VSIG10L: variants seen among roughly 807,000 people sequenced by gnomAD.
VSIG10L encodes the protein V-set and immunoglobulin domain-containing protein 10-like.
In VSIG10L, 63 loss-of-function variants were observed where a neutral mutation model predicts 67.3. The observed-to-expected ratio is 0.94, with a 90% CI of 0.76 to 1.15. VSIG10L has a LOEUF of 1.15. Among genes scored for constraint, VSIG10L ranks in the 50% most tolerant of loss-of-function variants. The pLI is 0.00. For missense variants in VSIG10L, 1,050 were observed against 1,177.5 expected (o/e 0.89, Z 1.58); for synonymous variants, 499 against 524.9 (o/e 0.95, Z 0.67).
Position 51,340,204 on chromosome 19 carries a change from C to T in VSIG10L, c.1285G>A (p.Ala429Thr). The T allele has an allele frequency of 6.8e-7, 1 of 1,468,040 alleles. No individual in the cohort carries two copies. Among genetic ancestry groups the T allele is most frequent in the East Asian group, 2.9e-5 (1 of 34,112 alleles). 90.9% of individuals were successfully genotyped at this position (1,468,040 alleles called of 1,614,324 possible). A position where few individuals can be genotyped will look rare whatever the true frequency, so the allele number is the denominator to read the frequency against. The change falls in exon 4 of 10, where the codon GCC becomes ACC. Residue 429 changes from alanine to threonine, a missense_variant. Physicochemically the swap from Ala to Thr is moderately conservative, Grantham distance 58. Coordinates refer to ENST00000335624, the MANE Select transcript of VSIG10L (RefSeq NM_001163922.3). This position sits in a 1 kb window ranked among gnomAD's most constrained non-coding sequence, Gnocchi z 6.3. ...TCGGCGGGCGGCCGCGAGGCGGCGG[C>T]GCAGCGCAAGGTCACGTTACTGCCC... ...TAGSNVTLRC[A>T]AASRPPADIT...
At position 51,333,885 on chromosome 19, in the gene VSIG10L, T is replaced by C. The variant is rs1336701859; in HGVS notation, c.2480A>G (p.Glu827Gly). 6.4e-6 allele frequency: 10 copies of C among 1,551,716 alleles called. No individual in the cohort carries two copies. Among genetic ancestry groups the C allele is most frequent in the Non-Finnish European group, 8.7e-6 (10 of 1,146,982 alleles). ...STLVPVVTPS[E>G]KKMHSVTPVE... ...TGGGGTCACACTATGCATCTTCTTT[T>C]CTGAGGGGGTGACCACGGGGACCAA... Residue 827 changes from glutamate to glycine, a missense_variant, in exon 9 of 10, where the codon GAA becomes GGA. Coordinates refer to ENST00000335624, the MANE Select transcript of VSIG10L (RefSeq NM_001163922.3).
In VSIG10L at chr19:51,337,429, C is replaced by T. The variant is rs1355730055; in HGVS notation, c.2114G>A (p.Trp705Ter). The T allele has an allele frequency of 1.9e-6, 3 of 1,551,608 alleles. No individual in the cohort carries two copies. The highest frequency in any genetic ancestry group is 1.7e-6 in the Non-Finnish European group (2 of 1,147,004). Residue 705 changes from tryptophan (W) to a stop codon, truncating the protein, a stop_gained, in exon 7 of 10, where the codon TGG becomes TAG. Coordinates refer to ENST00000335624, the MANE Select transcript of VSIG10L (RefSeq NM_001163922.3). LOFTEE classifies it high-confidence loss of function. ...CCTGCCCAGAGCAGGCCCATCTGGC[C>T]ATGCCTGGATCTCAAAACTGCTGAT... The part of the protein sequence containing the change: ...ALISSFEIQA[W>*]PDGPALGRTS...
rs1460128978 is a variant in VSIG10L, at chr19:51,340,486, C to T, written c.1136G>A (p.Arg379His). Residue 379 changes from arginine (R) to histidine (H), a missense_variant, in exon 3 of 10, where the codon CGC (arginine) becomes CAC (histidine). By Grantham distance (29) the Arg-to-His change is conservative. Transcript: ENST00000335624. The surrounding 1 kb of genome is among the most constrained non-coding windows in gnomAD (Gnocchi z 6.3). ...CCTGTGGCCGAAGGGGCTGCGGACG[C>T]GGCAAGTGTACCGGGCGTGGTCGCT... ...VRSDHARYTC[R>H]VRSPFGHREA... 4 of 1,519,214 alleles carry T rather than the reference C, an allele frequency of 2.6e-6. No homozygotes were observed. Among genetic ancestry groups the T allele is most frequent in the African/African-American group, 1.4e-5 (1 of 72,132 alleles). 94.1% of individuals were successfully genotyped at this position (1,519,214 alleles called of 1,614,324 possible). A position where few individuals can be genotyped will look rare whatever the true frequency, so the allele number is the denominator to read the frequency against.
At chr19:51,333,679 T>C in intron 9 of VSIG10L, 112 bp downstream of exon 9, 1 of 1,297,154 alleles carries the variant, frequency 7.7e-7, no homozygotes, top group Admixed American at 3.1e-5. Flanking sequence ...ATACAGACTG[T>C]AAACTAACAA....
In VSIG10L at chr19:51,337,373, G is replaced by A; in HGVS notation, c.2170C>T (p.Leu724Phe). 1.3e-6 allele frequency: 2 copies of A among 1,551,754 alleles called. No individual in the cohort carries two copies. Among genetic ancestry groups the A allele is most frequent in the Non-Finnish European group, 1.7e-6 (2 of 1,147,006 alleles). ...TSTYRDWVSL[L>F]ILGPQERSAV... Reference sequence around the variant, plus strand: ...GACCGCTCCTGAGGCCCCAGGATGAGCAGGGAGACCCAGTCCCTGTAGGTG... The same window carrying A: ...GACCGCTCCTGAGGCCCCAGGATGAACAGGGAGACCCAGTCCCTGTAGGTG... Residue 724 changes from leucine to phenylalanine, a missense_variant, in exon 7 of 10, where the codon CTC becomes TTC. Leu to Phe is a conservative substitution (Grantham distance 22). Transcript: ENST00000335624.
rs550532991 is a variant in VSIG10L, at chr19:51,337,619, G to C, written c.2009-85C>G. On this transcript the variant is annotated intron_variant, in intron 6 of 9. Transcript: ENST00000335624. Reference sequence around the variant, plus strand: ...GGGGGGCTGGGCTCCTGGGTCTGAGGGGGAGGGGGCTGGGGGCCTGGACTC... The same window carrying C: ...GGGGGGCTGGGCTCCTGGGTCTGAGCGGGAGGGGGCTGGGGGCCTGGACTC... The C allele has an allele frequency of 1.6e-4, 165 of 1,002,876 alleles. 2 individuals carry two copies. The African/African-American group carries it at 2.4e-3, about 14-fold the overall frequency. 62.1% of individuals were successfully genotyped at this position (1,002,876 alleles called of 1,614,324 possible).
Position 51,341,992 on chromosome 19 carries a change from A to C in VSIG10L, c.56T>G (p.Ile19Ser). Residue 19 changes from isoleucine (I) to serine (S), a missense_variant, in exon 2 of 10, where the codon ATC (isoleucine) becomes AGC (serine). By Grantham distance (142) the Ile-to-Ser change is moderately radical (BLOSUM62 -2). This residue lies in a region of VSIG10L where 511 missense variants were observed against 557.9 expected (regional missense o/e 0.92). Coordinates refer to ENST00000335624, the MANE Select transcript of VSIG10L (RefSeq NM_001163922.3). ...LFLLLASLVG[I>S]LTLRASSGLQ... ...TCCAGAAGAGGCTCTGAGGGTGAGG[A>C]TCCCTACCAAGGAGGCTGCAGAGAA... The C allele has an allele frequency of 6.4e-7, 1 of 1,551,678 alleles. No homozygotes were observed.
At chr19:51,336,765 T>TTG (rs1189078357) in intron 7 of VSIG10L, among the ~76,000 whole-genome samples, 1 of 119,458 alleles carries the variant, frequency 8.4e-6, no homozygotes, top group Non-Finnish European at 1.7e-5. Flanking sequence ...ACACCTTGAT[T>TTG]TTTTTTTTTT....
Position 51,337,409 on chromosome 19 carries a change from C to A in VSIG10L, c.2134G>T (p.Gly712Cys), listed in dbSNP as rs754579620. The change falls in exon 7 of 10, where the codon GGC (glycine) becomes TGC (cysteine). Residue 712 changes from glycine (G) to cysteine (C), a missense_variant. Around this residue, in one of 3 missense-constraint regions of VSIG10L, gnomAD observed 529 missense variants for 584.9 expected, o/e 0.90. Transcript: ENST00000335624. ...CAGTCCCTGTAGGTGGAAGTCCTGC[C>A]CAGAGCAGGCCCATCTGGCCATGCC... ...IQAWPDGPAL[G>C]RTSTYRDWVS... is the part of the protein sequence containing the mutation. 2 of 1,551,568 alleles carry A rather than the reference C, an allele frequency of 1.3e-6. No homozygotes were observed. Among genetic ancestry groups the A allele is most frequent in the Non-Finnish European group, 1.7e-6 (2 of 1,146,988 alleles).
In VSIG10L at chr19:51,334,198, G is replaced by T; in HGVS notation, c.2412C>A (p.Arg804=). 1 of 1,551,844 alleles carries T rather than the reference G, an allele frequency of 6.4e-7. No individual in the cohort carries two copies. The highest frequency in any genetic ancestry group is 8.7e-7 in the Non-Finnish European group (1 of 1,147,026). ...LLLLCICCLC[R]FRGKTPEKKK... ...CCCAGTCCCCTTGCTCACCACGAAA[G>T]CGGCACAGGCAGCAGATGCAAAGGA... The change falls in exon 8 of 10, where the codon CGC becomes CGA. Residue 804 remains arginine, a synonymous_variant. Coordinates refer to ENST00000335624, the MANE Select transcript of VSIG10L (RefSeq NM_001163922.3).
Position 51,338,975 on chromosome 19 carries a change from C to A in VSIG10L, c.1642G>T (p.Val548Phe). 7.0e-7 allele frequency: 1 copy of A among 1,428,248 alleles called. No individual in the cohort carries two copies. Among genetic ancestry groups the A allele is most frequent in the South Asian group, 1.5e-5 (1 of 68,892 alleles). 88.5% of individuals were successfully genotyped at this position (1,428,248 alleles called of 1,614,324 possible). A position where few individuals can be genotyped will look rare whatever the true frequency, so the allele number is the denominator to read the frequency against. Reference sequence around the variant, plus strand: ...CCGCTGAGCCGGGGGTGGGCGGGGACGGCCGCCAGCAGCACAGAGGACACT... The same window carrying A: ...CCGCTGAGCCGGGGGTGGGCGGGGAAGGCCGCCAGCAGCACAGAGGACACT... ...GPVSSVLLAA[V>F]PAHPRLSGVP... The change falls in exon 5 of 10, where the codon GTC becomes TTC. Residue 548 changes from valine to phenylalanine, a missense_variant. Around this residue, in one of 3 missense-constraint regions of VSIG10L, gnomAD observed 529 missense variants for 584.9 expected, o/e 0.90. Coordinates refer to ENST00000335624, the MANE Select transcript of VSIG10L (RefSeq NM_001163922.3).
intron 9 of VSIG10L, among the ~76,000 whole-genome samples, chr19:51,333,260 G>T (rs1365991673): frequency 6.6e-6 from 1 of 152,210 alleles, no homozygotes; most frequent in African/African-American, 2.4e-5. Flanking sequence ...TGGGCGTAGT[G>T]GCTCATGCCT....
In VSIG10L at chr19:51,339,012, G is replaced by T; in HGVS notation, c.1605C>A (p.Ile535=). The T allele has an allele frequency of 1.4e-6, 2 of 1,397,084 alleles. No individual in the cohort carries two copies. The highest frequency in any genetic ancestry group is 3.0e-5 in the African/African-American group (2 of 65,914). The allele number at this position is 1,397,084 out of a possible 1,614,324, so 86.5% of individuals were successfully genotyped here. A position where few individuals can be genotyped will look rare whatever the true frequency, so the allele number is the denominator to read the frequency against. Residue 535 remains isoleucine, a synonymous_variant, in exon 5 of 10, where the codon ATC becomes ATA. Transcript: ENST00000335624. ...SLQFQGLPEG[I]RAGPVSSVLL... is the part of the protein sequence containing the mutation. ...GCACAGAGGACACTGGCCCGGCGCGGATGCCTTCGGGGAGACCCTGGAACT... is the reference window on the plus strand; with the variant it reads ...GCACAGAGGACACTGGCCCGGCGCGTATGCCTTCGGGGAGACCCTGGAACT...
chr19:51,342,132 G>A lies in VSIG10L; in HGVS notation c.-8C>T. Reference sequence around the variant, plus strand: ...AGCCTGTGGGTTGTCCATGGTGCTGGCCTCACTGAAAGGACACTGGAGAGA... The same window carrying A: ...AGCCTGTGGGTTGTCCATGGTGCTGACCTCACTGAAAGGACACTGGAGAGA... On this transcript the variant is annotated 5_prime_UTR_variant, in exon 1 of 10. Transcript: ENST00000335624. This position sits in a 1 kb window ranked among gnomAD's most constrained non-coding sequence, Gnocchi z 4.4. 6.4e-7 allele frequency: 1 copy of A among 1,551,548 alleles called. No individual in the cohort carries two copies. The highest frequency in any genetic ancestry group is 8.7e-7 in the Non-Finnish European group (1 of 1,146,976).
Position 51,341,370 on chromosome 19 carries a change from C to G in VSIG10L, c.678G>C (p.Trp226Cys), listed in dbSNP as rs1985632552. ...NPGPPTSLVV[W>C]RRGSKVLAAG... is the part of the protein sequence containing the mutation. The stretch of plus-strand genomic sequence containing the variant: ...CTGCCAGCACCTTTGAGCCCCGGCG[C>G]CAGACCACCAGAGAGGTGGGGGGCC... Residue 226 changes from tryptophan (W) to cysteine (C), a missense_variant, in exon 2 of 10, where the codon TGG becomes TGC. By Grantham distance (215) the Trp-to-Cys change is radical (BLOSUM62 -2). Around this residue, in one of 3 missense-constraint regions of VSIG10L, gnomAD observed 511 missense variants for 557.9 expected, o/e 0.92. Coordinates refer to ENST00000335624, the MANE Select transcript of VSIG10L (RefSeq NM_001163922.3). 6.5e-7 allele frequency: 1 copy of G among 1,538,448 alleles called. No homozygotes were observed. Among genetic ancestry groups the G allele is most frequent in the South Asian group, 1.2e-5 (1 of 83,520 alleles).
chr19:51,333,529 C>CAAA (rs1190779104), intron 9 of VSIG10L, among the ~76,000 whole-genome samples: 114 of 117,382 alleles, frequency 9.7e-4, no homozygotes, highest in African/African-American at 3.3e-3. Flanking sequence ...ACTCTGTCTC[C>CAAA]AAAAAAAAAA....
At position 51,333,801 on chromosome 19, in the gene VSIG10L, C is replaced by G; in HGVS notation, c.2564G>C (p.Arg855Thr). 1 of 1,548,870 alleles carries G rather than the reference C, an allele frequency of 6.5e-7. No homozygotes were observed. The highest frequency in any genetic ancestry group is 8.7e-7 in the Non-Finnish European group (1 of 1,146,128). The stretch of plus-strand genomic sequence containing the variant: ...GGCACCCACACTCACTTGGTAGGCC[C>G]TAGTTGAGCTGTGGTCCTCCAGAGG... ...KVPLEDHSST[R>T]AYQAQTPVQL... Residue 855 changes from arginine to threonine, a missense_variant, in exon 9 of 10, where the codon AGG (arginine) becomes ACG (threonine). Coordinates refer to ENST00000335624, the MANE Select transcript of VSIG10L (RefSeq NM_001163922.3).
In VSIG10L at chr19:51,340,039, AGCG is replaced by A. The variant is rs747856833; in HGVS notation, c.1447_1449del (p.Arg483del). 161 of 1,435,234 alleles carry A rather than the reference AGCG, an allele frequency of 1.1e-4. No individual in the cohort carries two copies. Among genetic ancestry groups the A allele is most frequent in the South Asian group, 5.9e-4 (43 of 73,400 alleles). 88.9% of individuals were successfully genotyped at this position (1,435,234 alleles called of 1,614,324 possible). On this transcript the variant is annotated inframe_deletion, in exon 4 of 10. Coordinates refer to ENST00000335624, the MANE Select transcript of VSIG10L (RefSeq NM_001163922.3). This position sits in a 1 kb window ranked among gnomAD's most constrained non-coding sequence, Gnocchi z 6.3. ...CCCGCCACTGTAAGGTTGAGCAGCG[AGCG>A]GCGGCGGCGGCCGGTACGCGGGTTC... is the stretch of plus-strand genomic sequence containing the variant.
Position 51,341,387 on chromosome 19 carries a change from T to TG in VSIG10L, c.660dup (p.Thr221HisfsTer38), listed in dbSNP as rs746513670. ...CCCCGGCGCCAGACCACCAGAGAGG[T>TG]GGGGGGCCCAGGGTTGGGGATTGGG... On this transcript the variant is annotated frameshift_variant, in exon 2 of 10. Transcript: ENST00000335624. LOFTEE classifies it high-confidence loss of function. 2.0e-5 allele frequency: 30 copies of TG among 1,535,014 alleles called. No homozygotes were observed. The highest frequency in any genetic ancestry group is 2.3e-5 in the Non-Finnish European group (26 of 1,141,752).
Sources: gnomAD v4.1 joint callset for allele counts (sites outside exome capture counted in the v4.1 genomes callset) on GRCh38, gnomAD v4.1.1 for gene constraint, gnomAD v4.1.1 regional missense constraint, Gnocchi (gnomAD v3.1) non-coding constraint, MANE v1.5 for transcripts, NCBI Gene and HGNC (gene_info 2026-07-23, HGNC 2026-07-21) for gene names.